The following TLL1 variants were observed in gnomAD, a reference collection of about 807,000 sequenced individuals.
The protein encoded by TLL1 is tolloid like 1.
Under a neutral mutation model 128.2 loss-of-function variants are expected in TLL1, and 49 were observed. That is an observed-to-expected ratio of 0.38 (90% CI 0.30 to 0.48). The LOEUF is 0.48. TLL1 is among the 20% of genes least tolerant of loss of function. The pLI is 0.96. For synonymous variants in TLL1, 454 were observed against 418.8 expected (o/e 1.08, Z -1.03); for missense variants, 1,123 against 1,242.0 (o/e 0.90, Z 1.44).
intron 18 of TLL1, among the ~76,000 whole-genome samples, chr4:166,083,145 G>T (rs1184376702): frequency 6.6e-6 from 1 of 151,196 alleles, no homozygotes; most frequent in Non-Finnish European, 1.5e-5. Flanking sequence ...TAAAACACTT[G>T]GGTCCCTATG....
chr4:166,099,708 T>A (rs1217001369), intron 20 of TLL1, among the ~76,000 whole-genome samples, 181 bp downstream of exon 20: 1 of 151,864 alleles, frequency 6.6e-6, no homozygotes. Flanking sequence ...ACTTCTCCAC[T>A]TCTAATGAAT....
rs1459157654 is a variant in TLL1 at position 165,888,420 on chromosome 4, A to G, written c.169+14347A>G. ...GATGAAGACAATTTAGGCATAGTCTATTCCTTTTTTTACATCTCTGGATGC... is the reference window on the plus strand; with the variant it reads ...GATGAAGACAATTTAGGCATAGTCTGTTCCTTTTTTTACATCTCTGGATGC... On this transcript the variant is annotated intron_variant, in intron 1 of 20. Coordinates refer to ENST00000061240, the MANE Select transcript of TLL1 (RefSeq NM_012464.5). Among the ~76,000 whole-genome samples, 3 of 152,068 alleles carry G rather than the reference A, an allele frequency of 2.0e-5. 1 individual carries two copies. Among genetic ancestry groups the G allele is most frequent in the South Asian group, 4.1e-4 (2 of 4,824 alleles).
intron 6 of TLL1, among the ~76,000 whole-genome samples, chr4:166,006,503 T>G (rs1051935411): frequency 6.6e-6 from 1 of 151,826 alleles, no homozygotes; most frequent in Non-Finnish European, 1.5e-5. Flanking sequence ...CATATTAAGT[T>G]CTAAATTGAA....
At chr4:166,069,294 A>T (rs1368415491) in intron 16 of TLL1, among the ~76,000 whole-genome samples, 1 of 151,796 alleles carries the variant, frequency 6.6e-6, no homozygotes, top group Non-Finnish European at 1.5e-5. Context: ...TTATGTTTAT[A>T]GCCAGTGTTC....
At chr4:165,940,957 C>T (rs2110922539) in intron 1 of TLL1, among the ~76,000 whole-genome samples, 1 of 152,014 alleles carries the variant, frequency 6.6e-6, no homozygotes, top group Admixed American at 6.6e-5. Flanking sequence ...AACTCTGTCT[C>T]TTAGATTGCT....
chr4:165,995,030 C>T (rs1042599206), intron 4 of TLL1, 31 bp from the exon 5 acceptor site: 2 of 1,581,042 alleles, frequency 1.3e-6, no homozygotes, highest in Non-Finnish European at 1.7e-6. Flanking sequence ...GGGGATGCCA[C>T]CTTTTCATTA....
chr4:165,957,761 T>C (rs2110952570), intron 1 of TLL1, among the ~76,000 whole-genome samples: 1 of 151,448 alleles, frequency 6.6e-6, no homozygotes, highest in African/African-American at 2.4e-5. Context: ...GTGCACAATG[T>C]GCCAGTTAGT....
At chr4:165,943,788 A>G (rs929320719) in intron 1 of TLL1, among the ~76,000 whole-genome samples, 3 of 152,226 alleles carry the variant, frequency 2.0e-5, no homozygotes, top group South Asian at 4.1e-4. Flanking sequence ...TTCTTGCTCT[A>G]TATTTTATTG....
chr4:166,098,248 T>C (rs1742116263), intron 19 of TLL1, among the ~76,000 whole-genome samples: 1 of 150,140 alleles, frequency 6.7e-6, no homozygotes. Context: ...GGCAGGAGAA[T>C]TGCTTGAATC....
intron 1 of TLL1, among the ~76,000 whole-genome samples, chr4:165,902,090 C>T (rs1732021124): frequency 6.6e-6 from 1 of 152,076 alleles, no homozygotes; most frequent in Admixed American, 6.6e-5. Context: ...GGATGCCCCT[C>T]CCCCCACGAA....
intron 1 of TLL1, among the ~76,000 whole-genome samples, chr4:165,982,001 C>A (rs938113699): frequency 6.6e-6 from 1 of 151,940 alleles, no homozygotes; most frequent in Non-Finnish European, 1.5e-5. Flanking sequence ...ATGTTTCTGA[C>A]GCGGAATAAT....
In TLL1 at chr4:165,995,070, G is replaced by C. The variant is rs1392624667; in HGVS notation, c.524G>C (p.Arg175Thr). The C allele has an allele frequency of 6.2e-7, 1 of 1,613,790 alleles. No homozygotes were observed. The change falls in exon 5 of 21, where the codon AGA becomes ACA. Residue 175 changes from arginine (R) to threonine (T), a missense_variant. Arg to Thr is a moderately conservative substitution (Grantham distance 71, BLOSUM62 -1). Around this residue, in one of 3 missense-constraint regions of TLL1, gnomAD observed 480 missense variants for 542.4 expected, o/e 0.89. Coordinates refer to ENST00000061240, the MANE Select transcript of TLL1 (RefSeq NM_012464.5). ...VIGGNFTGSQ[R>T]AMFKQAMRHW... ...CACACATTTTTTCTAGGCAGCCAGA[G>C]AGCCATGTTCAAGCAGGCCATGAGG...
intron 8 of TLL1, among the ~76,000 whole-genome samples, chr4:166,021,228 A>C (rs1355568968): frequency 6.6e-6 from 1 of 151,228 alleles, no homozygotes; most frequent in African/African-American, 2.4e-5. Context: ...AGATGCAAAA[A>C]AAAAATGCAT....
rs539729283 is a variant in TLL1, at chr4:166,081,789, G to T, written c.2442+3759G>T. The stretch of plus-strand genomic sequence containing the variant: ...ATCATGGCTTTTTCTTGTTGTCAGG[G>T]TAGAAGCAAAACTAGTTCCAGCTTT... On this transcript the variant is annotated intron_variant, in intron 18 of 20. Transcript: ENST00000061240. Among the ~76,000 whole-genome samples the T allele has an allele frequency of 2.1e-4, 32 of 151,754 alleles. No homozygotes were observed. In the South Asian group the frequency reaches 6.3e-3, roughly 30 times the overall value.
At chr4:165,954,106 T>A (rs1204426806) in intron 1 of TLL1, among the ~76,000 whole-genome samples, 2 of 152,166 alleles carry the variant, frequency 1.3e-5, no homozygotes, top group Admixed American at 1.3e-4. Context: ...ACTCCTCAAA[T>A]AATGGCTGGC....
intron 14 of TLL1, 23 bp from the exon 15 acceptor site, chr4:166,060,005 C>A (rs992029175): frequency 1.2e-6 from 2 of 1,611,952 alleles, no homozygotes; most frequent in African/African-American, 1.3e-5. Context: ...GAGAATATAC[C>A]TTTTTCTTTT....
chr4:165,992,193 A>G (rs952550790), intron 2 of TLL1, among the ~76,000 whole-genome samples: 4 of 152,070 alleles, frequency 2.6e-5, no homozygotes, highest in Non-Finnish European at 4.4e-5. Flanking sequence ...GCGTAACAGA[A>G]TATATTTTGC....
At chr4:165,883,453 A>C (rs893696208) in intron 1 of TLL1, among the ~76,000 whole-genome samples, 2 of 152,204 alleles carry the variant, frequency 1.3e-5, no homozygotes, top group Non-Finnish European at 2.9e-5. Flanking sequence ...AACCCCCCAC[A>C]TAATAACCAT....
chr4:166,014,213 C>A (rs770414444), intron 7 of TLL1, among the ~76,000 whole-genome samples: 1 of 151,802 alleles, frequency 6.6e-6, no homozygotes, highest in Non-Finnish European at 1.5e-5. Flanking sequence ...TTCAAGGAAA[C>A]AAATGAATGT....
Sources: allele counts gnomAD v4.1 joint callset (sites outside exome capture counted in the v4.1 genomes callset), GRCh38; gene constraint gnomAD v4.1.1; regional missense constraint gnomAD v4.1.1; transcripts MANE v1.5; gene names NCBI Gene and HGNC (gene_info 2026-07-23, HGNC 2026-07-21).